The following MOV10L1 variants were observed in gnomAD, a reference collection of about 807,000 sequenced individuals.
MOV10L1 encodes Mov10 like RNA helicase 1, also known as RNA helicase Mov10l1.
A neutral mutation model predicts 143.8 loss-of-function variants in MOV10L1; 110 were observed. The ratio of observed to expected loss-of-function variants is 0.76; its 90% CI spans 0.66 to 0.90. MOV10L1 has a LOEUF of 0.90. Ranked by LOEUF, MOV10L1 falls within the 40% of genes least tolerant of loss-of-function variation. The probability of loss-of-function intolerance (pLI) is 0.00; values close to 1 mark genes in which losing one functional copy is unlikely to be tolerated. For missense variants in MOV10L1, 1,406 were observed against 1,526.8 expected (o/e 0.92, Z 1.32); for synonymous variants, 593 against 581.1 (o/e 1.02, Z -0.29).
intron 13 of MOV10L1, among the ~76,000 whole-genome samples, chr22:50,132,653 A>G (rs1336572570): frequency 1.3e-5 from 2 of 152,212 alleles, no homozygotes; most frequent in African/African-American, 2.4e-5. Flanking sequence ...TTTACCTTGT[A>G]TCCTGCAAGT....
At chr22:50,145,852 C>A (rs2063138636) in intron 19 of MOV10L1, 42 bp downstream of exon 19, 1 of 1,610,066 alleles carries the variant, frequency 6.2e-7, no homozygotes, top group African/African-American at 1.3e-5. Context: ...CCTCCCAGGG[C>A]AGAGGTCGGA....
At chr22:50,124,363 T>C (rs1381504336) in intron 10 of MOV10L1, among the ~76,000 whole-genome samples, 1 of 152,258 alleles carries the variant, frequency 6.6e-6, no homozygotes, top group Non-Finnish European at 1.5e-5. Context: ...TTCTTATCTT[T>C]GCTCTTTTGC....
At chr22:50,129,216 T>G (rs868783473) in intron 13 of MOV10L1, among the ~76,000 whole-genome samples, 2 of 152,320 alleles carry the variant, frequency 1.3e-5, no homozygotes, top group South Asian at 2.1e-4. Context: ...GGATCTTTGG[T>G]TCATGCCTCA....
chr22:50,161,254 G>T lies in MOV10L1; in HGVS notation c.3555-114G>T, dbSNP rs2063552734. On this transcript the variant is annotated intron_variant, in intron 26 of 26. Transcript: ENST00000262794. Reference sequence around the variant, plus strand: ...GGGGTCATGTCACCTTTCCCACATAGGCTAACAGGGTAAACTAAGTCCCCT... The same window carrying T: ...GGGGTCATGTCACCTTTCCCACATATGCTAACAGGGTAAACTAAGTCCCCT... 4 of 1,041,156 alleles carry T rather than the reference G, an allele frequency of 3.8e-6. No homozygotes were observed. In the East Asian group the frequency reaches 7.7e-5, roughly 20 times the overall value. The allele number at this position is 1,041,156 out of a possible 1,614,324, so 64.5% of individuals were successfully genotyped here.
chr22:50,106,202 G>T (rs2061860743), intron 3 of MOV10L1, among the ~76,000 whole-genome samples: 1 of 152,116 alleles, frequency 6.6e-6, no homozygotes, highest in Non-Finnish European at 1.5e-5. Context: ...CTGTCACCCA[G>T]GCTGGAGTGC....
intron 3 of MOV10L1, among the ~76,000 whole-genome samples, chr22:50,102,199 A>G (rs2061762619): frequency 6.6e-6 from 1 of 152,222 alleles, no homozygotes; most frequent in South Asian, 2.1e-4. Flanking sequence ...TGTGAACACA[A>G]TCACAAAACC....
rs747519982 is a variant in MOV10L1, at chr22:50,160,820, G to A, written c.3457G>A (p.Val1153Ile). The A allele has an allele frequency of 9.3e-6, 15 of 1,613,826 alleles. No homozygotes were observed. Among genetic ancestry groups the A allele is most frequent in the East Asian group, 6.7e-5 (3 of 44,892 alleles). ...LIVLGNPHVL[V>I]RDPCFGALLE... is the part of the protein sequence containing the mutation. ...AGTGCTGGGAAACCCCCATGTTCTC[G>A]TTCGAGTGAGTTTTCAGGCACTGGG... The change falls in exon 25 of 27, where the codon GTT becomes ATT. Residue 1153 changes from valine to isoleucine, a missense_variant. Coordinates refer to ENST00000262794, the MANE Select transcript of MOV10L1 (RefSeq NM_018995.3).
intron 24 of MOV10L1, among the ~76,000 whole-genome samples, chr22:50,160,398 C>G (rs1330554564): frequency 1.2e-4 from 18 of 151,662 alleles, no homozygotes; most frequent in Admixed American, 1.2e-3. Flanking sequence ...AGGCGCCCAC[C>G]ACCACGCCCA....
chr22:50,128,386 A>G (rs1035378031), intron 12 of MOV10L1, 30 bp from the exon 13 acceptor site: 1 of 1,174,114 alleles, frequency 8.5e-7, no homozygotes, highest in Non-Finnish European at 1.2e-6. Context: ...TATTTCAAGA[A>G]ATCAGGTATA....
At position 50,159,074 on chromosome 22, in the gene MOV10L1, C is replaced by T. The variant is rs2063494368; in HGVS notation, c.3217-604C>T. The T allele has an allele frequency of 6.6e-6, 1 of 152,224 alleles. No individual in the cohort carries two copies. Among genetic ancestry groups the T allele is most frequent in the Non-Finnish European group, 1.5e-5 (1 of 68,062 alleles). The allele number at this position is 152,224 out of a possible 1,614,324, so 9.4% of individuals were successfully genotyped here. ...GCCATCCTCAGCTCTAAGCATCAGA[C>T]ATGCATCTCGTTTCTCCTGAAGGAT... is the stretch of plus-strand genomic sequence containing the variant. On this transcript the variant is annotated intron_variant, in intron 23 of 26. Transcript: ENST00000262794. The surrounding 1 kb of genome is among the most constrained non-coding windows in gnomAD (Gnocchi z 4.1).
chr22:50,108,178 G>A lies in MOV10L1; in HGVS notation c.485G>A (p.Arg162Gln), dbSNP rs751471703. 8.7e-6 allele frequency: 14 copies of A among 1,614,042 alleles called. No homozygotes were observed. Among genetic ancestry groups the A allele is most frequent in the East Asian group, 6.7e-5 (3 of 44,864 alleles). Reference sequence around the variant, plus strand: ...GGAGACTGGGTGGAGGCTGAGTACCGGATCCGGCCTGGCACGTGGAGCAGC... The same window carrying A: ...GGAGACTGGGTGGAGGCTGAGTACCAGATCCGGCCTGGCACGTGGAGCAGC... ...CKGDWVEAEY[R>Q]IRPGTWSSEA... is the part of the protein sequence containing the mutation. The change falls in exon 4 of 27, where the codon CGG becomes CAG. Residue 162 changes from arginine to glutamine, a missense_variant. Arg to Gln is a conservative substitution (Grantham distance 43). Around this residue, in one of 3 missense-constraint regions of MOV10L1, gnomAD observed 1,233 missense variants for 1,351.4 expected, o/e 0.91. Transcript: ENST00000262794.
intron 4 of MOV10L1, 41 bp downstream of exon 4, chr22:50,108,289 G>T: frequency 3.9e-6 from 6 of 1,556,046 alleles, no homozygotes; most frequent in Non-Finnish European, 5.3e-6. Context: ...GCTTCTGGCA[G>T]ACCTGCCATC....
intron 15 of MOV10L1, among the ~76,000 whole-genome samples, chr22:50,139,941 T>G (rs1316722279): frequency 6.6e-6 from 1 of 152,118 alleles, no homozygotes; most frequent in East Asian, 1.9e-4. Flanking sequence ...CAAAAGGTGT[T>G]TTTAAGAAGC....
At chr22:50,110,791 C>T (rs1475938272) in intron 5 of MOV10L1, among the ~76,000 whole-genome samples, 18 of 151,942 alleles carry the variant, frequency 1.2e-4, no homozygotes, top group African/African-American at 3.6e-4. Context: ...ATTAGCCAGG[C>T]GTGGCAGCGC....
intron 9 of MOV10L1, among the ~76,000 whole-genome samples, chr22:50,117,782 G>A (rs1318957688): frequency 6.6e-6 from 1 of 152,128 alleles, no homozygotes; most frequent in Admixed American, 6.5e-5. Flanking sequence ...TTGAAGATGT[G>A]GTACCACTTA....
At chr22:50,124,669 G>C (rs543532738) in intron 10 of MOV10L1, among the ~76,000 whole-genome samples, 1 of 152,340 alleles carries the variant, frequency 6.6e-6, no homozygotes, top group South Asian at 2.1e-4. Flanking sequence ...GGGTTTTGCA[G>C]GATGGTGTCT....
chr22:50,131,672 T>C (rs545735461), intron 13 of MOV10L1, among the ~76,000 whole-genome samples: 1 of 152,212 alleles, frequency 6.6e-6, no homozygotes, highest in South Asian at 2.1e-4. Context: ...CCAAGCATTA[T>C]TTGATGAAAA....
intron 2 of MOV10L1, chr22:50,094,157 A>G (rs1289531038): frequency 6.6e-6 from 1 of 152,192 alleles, no homozygotes; most frequent in Non-Finnish European, 1.5e-5. Context: ...TTTGGATGGC[A>G]CTGAGTTTAT....
chr22:50,103,511 A>C (rs1351428094), intron 3 of MOV10L1, among the ~76,000 whole-genome samples: 1 of 152,058 alleles, frequency 6.6e-6, no homozygotes. Context: ...GCTGCATCCT[A>C]CCCTGGCCAT....
Sources: gnomAD v4.1 joint callset for allele counts (sites outside exome capture counted in the v4.1 genomes callset) on GRCh38, gnomAD v4.1.1 for gene constraint, gnomAD v4.1.1 regional missense constraint, Gnocchi (gnomAD v3.1) non-coding constraint, MANE v1.5 for transcripts, NCBI Gene and HGNC (gene_info 2026-07-23, HGNC 2026-07-21) for gene names.